The following ERP44 variants were observed in gnomAD, a reference collection of about 807,000 sequenced individuals.
ERP44 encodes endoplasmic reticulum protein 44, also known as endoplasmic reticulum resident protein 44.
Under a neutral mutation model 53.4 loss-of-function variants are expected in ERP44, and 25 were observed. The ratio of observed to expected loss-of-function variants is 0.47; its 90% CI spans 0.34 to 0.65. The LOEUF (loss-of-function observed/expected upper bound fraction) is 0.65. ERP44 is among the 30% of genes least tolerant of loss of function. ERP44 has a pLI of 0.01. For missense variants in ERP44, 338 were observed against 493.2 expected, an observed-to-expected ratio of 0.69 and a Z score of 2.98; for synonymous variants, 145 against 161.2, an observed-to-expected ratio of 0.90 and a Z score of 0.76.
chr9:100,059,143 G>A (rs1189662746), intron 2 of ERP44, among the ~76,000 whole-genome samples: 1 of 152,000 alleles, frequency 6.6e-6, no homozygotes, highest in Non-Finnish European at 1.5e-5. Flanking sequence ...AGCATTTAAA[G>A]GTCCAGGAAC....
At chr9:100,046,928 C>T (rs1025346516) in intron 4 of ERP44, among the ~76,000 whole-genome samples, 16 of 152,122 alleles carry the variant, frequency 1.1e-4, no homozygotes, top group Non-Finnish European at 1.8e-4. Context: ...AACAGATCAA[C>T]AGTATAGAAG....
chr9:100,097,763 G>A (rs1229982918), intron 1 of ERP44, among the ~76,000 whole-genome samples: 2 of 152,160 alleles, frequency 1.3e-5, no homozygotes, highest in African/African-American at 2.4e-5. Flanking sequence ...GGGATATGGC[G>A]GAATAAGCAC....
chr9:100,024,335 TA>T (rs34537356), intron 4 of ERP44, among the ~76,000 whole-genome samples: 89,819 of 133,984 alleles, frequency 0.67, 30,889 homozygotes, highest in East Asian at 0.89. Context: ...CAAGACAAGT[TA>T]AAAAAAAAAA....
At chr9:100,007,757 G>A in intron 8 of ERP44, 68 bp from the exon 9 acceptor site, 2 of 905,870 alleles carry the variant, frequency 2.2e-6, no homozygotes, top group Non-Finnish European at 3.7e-6. Flanking sequence ...TTTCTAGGTA[G>A]GAACAATTTT....
intron 4 of ERP44, among the ~76,000 whole-genome samples, chr9:100,022,568 C>CAAT (rs1416278920): frequency 6.6e-6 from 1 of 152,062 alleles, no homozygotes; most frequent in Non-Finnish European, 1.5e-5. Context: ...CAACAGACGC[C>CAAT]ACAGTAAGCA....
At chr9:100,072,766 C>A (rs1826320087) in intron 1 of ERP44, among the ~76,000 whole-genome samples, 1 of 152,042 alleles carries the variant, frequency 6.6e-6, no homozygotes, top group African/African-American at 2.4e-5. Context: ...AGGTGATCTG[C>A]CCACTCTGCC....
At chr9:100,009,839 T>G (rs919861115) in intron 8 of ERP44, among the ~76,000 whole-genome samples, 3 of 152,216 alleles carry the variant, frequency 2.0e-5, no homozygotes, top group African/African-American at 7.2e-5. Context: ...TCCCATTTTC[T>G]TTAGTACTTC....
At position 100,025,430 on chromosome 9, in the gene ERP44, A is replaced by C. The variant is rs552789872; in HGVS notation, c.287-3204T>G. Among the ~76,000 whole-genome samples, 5 of 152,342 alleles carry C rather than the reference A, an allele frequency of 3.3e-5. No homozygotes were observed. In the South Asian group the frequency reaches 8.3e-4, roughly 25 times the overall value. ...ATACAAAGGATAATACATCACAATA[A>C]AGCTGGATTTAGTCTAGCACTTCAG... On this transcript the variant is annotated intron_variant, in intron 4 of 11. Transcript: ENST00000262455.
At chr9:100,067,175 CTCTCCCTCTCCCTCTCCCCACGG>C (rs1175579586) in intron 1 of ERP44, among the ~76,000 whole-genome samples, 4 of 151,824 alleles carry the variant, frequency 2.6e-5, no homozygotes, top group Admixed American at 6.6e-5. Context: ...CTCGCTCTCC[CTCTCCCTCTCCCTCTCCCCACGG>C]TCTCCCTCTC....
rs1407571876 is a variant in ERP44 at position 99,985,082 on chromosome 9, T to A, written c.1017-13A>T. On this transcript the variant is annotated splice_polypyrimidine_tract_variant and intron_variant, in intron 10 of 11. Coordinates refer to ENST00000262455, the MANE Select transcript of ERP44 (RefSeq NM_015051.3). Reference sequence around the variant, plus strand: ...TTTTCCAGGAATTCTAAAACCAGAGTCAAATAAAATGTAAACTGTTAAAAT... The same window carrying A: ...TTTTCCAGGAATTCTAAAACCAGAGACAAATAAAATGTAAACTGTTAAAAT... 6.5e-7 allele frequency: 1 copy of A among 1,535,652 alleles called. No individual in the cohort carries two copies. Among genetic ancestry groups the A allele is most frequent in the Non-Finnish European group, 9.0e-7 (1 of 1,109,274 alleles).
intron 10 of ERP44, among the ~76,000 whole-genome samples, chr9:100,002,543 G>A (rs1830388267): frequency 1.3e-5 from 2 of 152,086 alleles, no homozygotes; most frequent in Admixed American, 6.5e-5. Flanking sequence ...TAATATTGCT[G>A]GTTGGCAGTT....
At chr9:100,066,327 AT>A (rs1471378622) in intron 1 of ERP44, among the ~76,000 whole-genome samples, 1 of 152,192 alleles carries the variant, frequency 6.6e-6, no homozygotes, top group Non-Finnish European at 1.5e-5. Context: ...ATAGATGTTA[AT>A]TTTTTAAAGT....
At chr9:100,082,067 G>T (rs1209336514) in intron 1 of ERP44, among the ~76,000 whole-genome samples, 1 of 151,650 alleles carries the variant, frequency 6.6e-6, no homozygotes, top group African/African-American at 2.4e-5. Flanking sequence ...CAACAAAAAA[G>T]GAACCAAATA....
intron 4 of ERP44, among the ~76,000 whole-genome samples, chr9:100,046,096 A>T (rs1036811202): frequency 6.6e-6 from 1 of 152,184 alleles, no homozygotes; most frequent in Non-Finnish European, 1.5e-5. Flanking sequence ...AATCAATGCC[A>T]TTTATAACAG....
At chr9:100,097,702 T>G (rs73505747) in intron 1 of ERP44, among the ~76,000 whole-genome samples, 2,876 of 152,226 alleles carry the variant, frequency 0.019, 102 homozygotes, top group African/African-American at 0.066. Context: ...AAGGTCCAAG[T>G]GACAAAAGAA....
At chr9:100,027,440 T>C (rs1291303268) in intron 4 of ERP44, among the ~76,000 whole-genome samples, 2 of 148,860 alleles carry the variant, frequency 1.3e-5, no homozygotes, top group Non-Finnish European at 3.0e-5. Context: ...GACATAATGC[T>C]TTTTTTTTTA....
chr9:100,083,989 G>A (rs1396832983), intron 1 of ERP44, among the ~76,000 whole-genome samples: 1 of 152,014 alleles, frequency 6.6e-6, no homozygotes, highest in Non-Finnish European at 1.5e-5. Flanking sequence ...CAGATACAGA[G>A]GGAAAGACAG....
At chr9:100,036,647 G>A (rs910049946) in intron 4 of ERP44, among the ~76,000 whole-genome samples, 1 of 151,976 alleles carries the variant, frequency 6.6e-6, no homozygotes, top group Admixed American at 6.6e-5. Context: ...ATGTACCCCC[G>A]ATTCTAAAAT....
rs778946012 is a variant in ERP44 at position 100,020,646 on chromosome 9, T to C, written c.557A>G (p.His186Arg). The change falls in exon 6 of 12, where the codon CAT becomes CGT. Residue 186 changes from histidine (H) to arginine (R), a missense_variant. Physicochemically the swap from His to Arg is conservative, Grantham distance 29. Around this residue, in one of 3 missense-constraint regions of ERP44, gnomAD observed 224 missense variants for 301.4 expected, o/e 0.74. Coordinates refer to ENST00000262455, the MANE Select transcript of ERP44 (RefSeq NM_015051.3). The part of the protein sequence containing the change: ...RVFERVANIL[H>R]DDCAFLSAFG... ...TGCAGAAAGAAAGGCACAGTCATCATGCAAAATATTCGCTACTCGTTCAAA... is the reference window on the plus strand; with the variant it reads ...TGCAGAAAGAAAGGCACAGTCATCACGCAAAATATTCGCTACTCGTTCAAA... 3.7e-6 allele frequency: 6 copies of C among 1,606,792 alleles called. No homozygotes were observed. Among genetic ancestry groups the C allele is most frequent in the South Asian group, 1.1e-5 (1 of 90,784 alleles).
Sources: gnomAD v4.1 joint callset for allele counts (sites outside exome capture counted in the v4.1 genomes callset) on GRCh38, gnomAD v4.1.1 for gene constraint, gnomAD v4.1.1 regional missense constraint, MANE v1.5 for transcripts, NCBI Gene and HGNC (gene_info 2026-07-23, HGNC 2026-07-21) for gene names.